The following WNK3 variants were observed in gnomAD, a reference collection of about 807,000 sequenced individuals.
WNK3 encodes WNK lysine deficient protein kinase 3.
A neutral mutation model predicts 116.7 loss-of-function variants in WNK3; 18 were observed. The ratio of observed to expected loss-of-function variants is 0.15; its 90% CI spans 0.11 to 0.23. The LOEUF is 0.23. Among genes scored for constraint, WNK3 ranks in the 10% least tolerant of loss-of-function variants. WNK3 has a pLI of 1.00. For synonymous variants in WNK3, 404 were observed against 469.4 expected (o/e 0.86, Z 1.80); for missense variants, 993 against 1,323.8 (o/e 0.75, Z 3.88).
At chrX:54,217,479 G>A (rs910827610) in intron 22 of WNK3, among the ~76,000 whole-genome samples, 2 of 109,695 alleles carry the variant, frequency 1.8e-5, no homozygotes, top group African/African-American at 3.3e-5. Context: ...AAAATTAGCT[G>A]GGTGTGGTGG....
At chrX:54,292,388 T>C (rs1484830227) in intron 10 of WNK3, among the ~76,000 whole-genome samples, 1 of 111,243 alleles carries the variant, frequency 9.0e-6, no homozygotes, top group East Asian at 2.8e-4. Context: ...AGATTCTAGT[T>C]ACACAATATT....
chrX:54,267,296 C>T (rs1318891050), intron 10 of WNK3, among the ~76,000 whole-genome samples: 4 of 110,099 alleles, frequency 3.6e-5, no homozygotes, highest in African/African-American at 9.9e-5. Context: ...TCAAACTTCT[C>T]GGCTCAAGTG....
intron 1 of WNK3, among the ~76,000 whole-genome samples, chrX:54,357,198 C>A (rs1306635652): frequency 9.1e-6 from 1 of 110,341 alleles, no homozygotes; most frequent in Non-Finnish European, 1.9e-5. Context: ...CCGAAGCGAT[C>A]TTCCCTTTCA....
intron 22 of WNK3, among the ~76,000 whole-genome samples, chrX:54,209,372 G>A (rs782508771): frequency 2.2e-4 from 23 of 104,949 alleles, no homozygotes; most frequent in South Asian, 4.6e-4. Flanking sequence ...GCAGTGGGCC[G>A]AGACCACACC....
intron 1 of WNK3, among the ~76,000 whole-genome samples, chrX:54,343,192 A>G (rs1332305652): frequency 3.6e-5 from 4 of 110,565 alleles, no homozygotes; most frequent in African/African-American, 1.3e-4. Flanking sequence ...GCCATCGTGG[A>G]TCTTCACCAT....
intron 22 of WNK3, among the ~76,000 whole-genome samples, chrX:54,208,438 T>C (rs1273777521): frequency 9.0e-6 from 1 of 111,326 alleles, no homozygotes; most frequent in Non-Finnish European, 1.9e-5. Context: ...ATATACCTTT[T>C]TAGACAGGGT....
chrX:54,352,472 A>T (rs2069529895), intron 1 of WNK3, among the ~76,000 whole-genome samples: 1 of 111,048 alleles, frequency 9.0e-6, no homozygotes, highest in African/African-American at 3.3e-5. Flanking sequence ...TCAGGAGTTT[A>T]TGACCAGCCC....
intron 2 of WNK3, among the ~76,000 whole-genome samples, chrX:54,322,975 G>C (rs897827875): frequency 4.1e-4 from 46 of 111,118 alleles, no homozygotes; most frequent in Middle Eastern, 9.4e-3. Flanking sequence ...AGGAATGTGA[G>C]AAAAAAATCA....
chrX:54,354,417 T>C (rs1460199955), intron 1 of WNK3, among the ~76,000 whole-genome samples: 1 of 111,729 alleles, frequency 9.0e-6, no homozygotes, highest in Non-Finnish European at 1.9e-5. Context: ...GGTCTACTTA[T>C]ATTGAGAGAC....
At chrX:54,309,541 G>GT (rs1255806244) in intron 3 of WNK3, among the ~76,000 whole-genome samples, 7 of 109,918 alleles carry the variant, frequency 6.4e-5, no homozygotes, top group Non-Finnish European at 1.3e-4. Context: ...TGGTTGGTTG[G>GT]TTTTTTTTTA....
chrX:54,232,888 A>G (rs2067917771), exon 21 of WNK3: 1 of 1,209,459 alleles, frequency 8.3e-7, no homozygotes, highest in Non-Finnish European at 1.1e-6. Flanking sequence ...ATCTTGGTCG[A>G]CGTGGTGATG....
chrX:54,353,899 T>C (rs2069554519), intron 1 of WNK3, among the ~76,000 whole-genome samples: 1 of 110,154 alleles, frequency 9.1e-6, no homozygotes, highest in African/African-American at 3.3e-5. Flanking sequence ...CTGGCCAATA[T>C]GGTGAAACCC....
At chrX:54,240,541 T>C (rs1027267332) in intron 17 of WNK3, among the ~76,000 whole-genome samples, 9 of 111,767 alleles carry the variant, frequency 8.1e-5, no homozygotes, top group African/African-American at 2.9e-4. Context: ...AAATTAAATA[T>C]TTGTTCTAGC....
At chrX:54,302,045 T>C (rs2068763075) in intron 5 of WNK3, among the ~76,000 whole-genome samples, 186 bp from the exon 6 acceptor site, 1 of 111,343 alleles carries the variant, frequency 9.0e-6, no homozygotes, top group Non-Finnish European at 1.9e-5. Flanking sequence ...TGTCTACAAA[T>C]AACAGTAAAA....
chrX:54,193,106 T>G (rs2067414518), exon 24 of WNK3: 1 of 111,542 alleles, frequency 9.0e-6, no homozygotes, highest in South Asian at 3.7e-4. Flanking sequence ...GAAAGGAGAG[T>G]TCACATATAC....
intron 1 of WNK3, among the ~76,000 whole-genome samples, chrX:54,341,235 A>G (rs1260170468): frequency 9.1e-6 from 1 of 110,474 alleles, no homozygotes; most frequent in Non-Finnish European, 1.9e-5. Flanking sequence ...CATCTCTACT[A>G]AAAATACAAA....
exon 17 of WNK3, chrX:54,249,068 C>T (rs2068101247): frequency 8.3e-7 from 1 of 1,210,094 alleles, no homozygotes; most frequent in African/African-American, 1.7e-5. Flanking sequence ...CCATCTGATT[C>T]CAGGACAGTA....
At chrX:54,276,559 A>T (rs1160882241) in intron 10 of WNK3, among the ~76,000 whole-genome samples, 1 of 111,141 alleles carries the variant, frequency 9.0e-6, no homozygotes, top group African/African-American at 3.3e-5. Context: ...GTATGCAAAG[A>T]ATCATATGCC....
intron 15 of WNK3, among the ~76,000 whole-genome samples, chrX:54,250,611 C>T (rs2068118625): frequency 9.0e-6 from 1 of 111,705 alleles, no homozygotes; most frequent in Admixed American, 9.6e-5. Flanking sequence ...AAGTAATTCT[C>T]TTTTAAACTC....
Sources: allele counts gnomAD v4.1 joint callset (sites outside exome capture counted in the v4.1 genomes callset), GRCh38; gene constraint gnomAD v4.1.1; transcripts MANE v1.5; gene names NCBI Gene and HGNC (gene_info 2026-07-23, HGNC 2026-07-21).